Variants in GPN1 observed in about 807,000 individuals in gnomAD.
GPN1 encodes ATP(GTP)-binding protein.
In GPN1, 44 loss-of-function variants were observed where a neutral mutation model predicts 55.9. The ratio of observed to expected loss-of-function variants is 0.79; its 90% CI spans 0.62 to 1.01. The LOEUF (loss-of-function observed/expected upper bound fraction) is 1.01. Ranked by LOEUF, GPN1 falls within the 50% of genes least tolerant of loss-of-function variation. The pLI, the probability that GPN1 is intolerant of heterozygous loss-of-function variation, is 0.00. For missense variants in GPN1, 466 were observed against 462.8 expected (o/e 1.01, Z -0.06); for synonymous variants, 179 against 162.5 (o/e 1.10, Z -0.77).
Position 27,630,071 on chromosome 2 carries a change from A to T in GPN1, c.205+119A>T, listed in dbSNP as rs950997515. The T allele has an allele frequency of 1.9e-4, 125 of 665,622 alleles. 1 individual carries two copies. In the Admixed American group the frequency reaches 2.6e-3, roughly 14 times the overall value. 41.2% of individuals were successfully genotyped at this position (665,622 alleles called of 1,614,324 possible). A position where few individuals can be genotyped will look rare whatever the true frequency, so the allele number is the denominator to read the frequency against. On this transcript the variant is annotated intron_variant, in intron 2 of 13. Transcript: ENST00000610189. ...GGGAGGCCGAGGCAGGTAGATCACG[A>T]GGTCAGGAGTTCAAGACCAGCCTGG... is the stretch of plus-strand genomic sequence containing the variant.
At chr2:27,630,453 A>T (rs1246199232) in intron 2 of GPN1, among the ~76,000 whole-genome samples, 1 of 119,322 alleles carries the variant, frequency 8.4e-6, no homozygotes, top group Non-Finnish European at 1.6e-5. Context: ...CAGTGGCGTG[A>T]TTCACAGGTC....
chr2:27,635,849 T>C (rs1401270990), intron 7 of GPN1, among the ~76,000 whole-genome samples: 9 of 152,132 alleles, frequency 5.9e-5, no homozygotes, highest in African/African-American at 2.2e-4. Context: ...TCCTCTGGCC[T>C]AAATGATGCT....
At chr2:27,640,880 G>T (rs1673918596) in intron 10 of GPN1, among the ~76,000 whole-genome samples, 1 of 152,152 alleles carries the variant, frequency 6.6e-6, no homozygotes, top group African/African-American at 2.4e-5. Flanking sequence ...CACTGTTGTT[G>T]TTCAAGTAAA....
At chr2:27,644,631 A>G (rs1401485270) in intron 12 of GPN1, among the ~76,000 whole-genome samples, 1 of 150,540 alleles carries the variant, frequency 6.6e-6, no homozygotes, top group Admixed American at 6.6e-5. Context: ...TATAAGGTAT[A>G]TAAGTCGGTG....
chr2:27,632,321 C>A (rs1367438841), intron 4 of GPN1, among the ~76,000 whole-genome samples: 1 of 152,144 alleles, frequency 6.6e-6, no homozygotes, highest in Non-Finnish European at 1.5e-5. Context: ...GGTTTTTATA[C>A]TCTGATGTTA....
intron 5 of GPN1, among the ~76,000 whole-genome samples, chr2:27,633,192 C>T (rs970040184): frequency 6.6e-6 from 1 of 152,154 alleles, no homozygotes; most frequent in African/African-American, 2.4e-5. Flanking sequence ...ACCATCACCC[C>T]GATTCCCACT....
rs1426046188 is a variant in GPN1, at chr2:27,635,178, C to T, written c.468C>T (p.Asp156=). ...SFPTVVIYVM[D]TSRSTNPVTF... is the part of the protein sequence containing the mutation. ...CAACAGTTGTCATCTATGTAATGGA[C>T]ACATCGAGAAGTACCAACCCAGTGA... The change falls in exon 7 of 14, where the codon GAC becomes GAT. Residue 156 remains aspartate (D), a synonymous_variant. Coordinates refer to ENST00000610189, the MANE Select transcript of GPN1 (RefSeq NM_007266.4). 6.2e-7 allele frequency: 1 copy of T among 1,605,332 alleles called. No individual in the cohort carries two copies.
At position 27,650,379 on chromosome 2, in the gene GPN1, T is replaced by A; in HGVS notation, c.*179T>A. On this transcript the variant is annotated 3_prime_UTR_variant, in exon 14 of 14. Coordinates refer to ENST00000610189, the MANE Select transcript of GPN1 (RefSeq NM_007266.4). The stretch of plus-strand genomic sequence containing the variant: ...GATGAAGTCAGGGATAGAAGACCCT[T>A]GGACCTGGCAGGTTAATGCTGATTA... The A allele has an allele frequency of 4.2e-6, 2 of 472,760 alleles. No individual in the cohort carries two copies. The highest frequency in any genetic ancestry group is 7.7e-6 in the Non-Finnish European group (2 of 260,986). The allele number at this position is 472,760 out of a possible 1,614,324, so 29.3% of individuals were successfully genotyped here.
At chr2:27,638,842 T>A in intron 8 of GPN1, 43 bp from the exon 9 acceptor site, 1 of 1,550,092 alleles carries the variant, frequency 6.5e-7, no homozygotes, top group Non-Finnish European at 8.7e-7. Context: ...AATTTTGCGT[T>A]TGTTGGCTCT....
chr2:27,644,715 T>TC (rs1263325458), intron 12 of GPN1, among the ~76,000 whole-genome samples: 1 of 150,748 alleles, frequency 6.6e-6, no homozygotes, highest in Non-Finnish European at 1.5e-5. Context: ...AGTTTTTTTT[T>TC]TGGTAGTGTT....
At chr2:27,640,779 T>G (rs1008063238) in intron 10 of GPN1, among the ~76,000 whole-genome samples, 1 of 152,192 alleles carries the variant, frequency 6.6e-6, no homozygotes, top group East Asian at 1.9e-4. Context: ...AACAACCATA[T>G]TTTGGTTTTC....
chr2:27,631,080 T>C lies in GPN1; in HGVS notation c.245+14T>C, dbSNP rs563604343. 45 of 1,322,668 alleles carry C rather than the reference T, an allele frequency of 3.4e-5. No individual in the cohort carries two copies. The Admixed American group carries it at 3.7e-4, about 11-fold the overall frequency. The allele number at this position is 1,322,668 out of a possible 1,614,324, so 81.9% of individuals were successfully genotyped here. A position where few individuals can be genotyped will look rare whatever the true frequency, so the allele number is the denominator to read the frequency against. Reference sequence around the variant, plus strand: ...AGTAATGAAACAGTATCCTTTTCCATCTACTTTGGTCTTGACTCATTCCTG... The same window carrying C: ...AGTAATGAAACAGTATCCTTTTCCACCTACTTTGGTCTTGACTCATTCCTG... On this transcript the variant is annotated intron_variant, in intron 3 of 13. Transcript: ENST00000610189.
Position 27,641,182 on chromosome 2 carries a change from G to A in GPN1, c.801-58G>A, listed in dbSNP as rs1233229967. The A allele has an allele frequency of 6.4e-6, 7 of 1,098,496 alleles. No homozygotes were observed. In the African/African-American group the frequency reaches 1.1e-4, roughly 17 times the overall value. The allele number at this position is 1,098,496 out of a possible 1,614,324, so 68.0% of individuals were successfully genotyped here. A position where few individuals can be genotyped will look rare whatever the true frequency, so the allele number is the denominator to read the frequency against. On this transcript the variant is annotated intron_variant, in intron 10 of 13. Transcript: ENST00000610189. ...AGGAAAATAGAGATAAGGGGATGTG[G>A]AGAGTCAGTAGGATAGAGGATTAAG...
In GPN1 at chr2:27,635,280, C is replaced by T. The variant is rs544242157; in HGVS notation, c.524+46C>T. On this transcript the variant is annotated intron_variant, in intron 7 of 13. Coordinates refer to ENST00000610189, the MANE Select transcript of GPN1 (RefSeq NM_007266.4). ...AAAGTGTTCCATCAAGGTATAAGGC[C>T]TTTTTCTCTTCTTCTTCCTCTTTTT... 2.0e-4 allele frequency: 161 copies of T among 790,912 alleles called. No homozygotes were observed. In the East Asian group the frequency reaches 3.8e-3, roughly 19 times the overall value. The allele number at this position is 790,912 out of a possible 1,614,324, so 49.0% of individuals were successfully genotyped here.
At chr2:27,642,996 T>C (rs56661235) in intron 12 of GPN1, among the ~76,000 whole-genome samples, 4,620 of 71,440 alleles carry the variant, frequency 0.065, 103 homozygotes, top group East Asian at 0.11. Flanking sequence ...CACACACACA[T>C]ACATATGCAT....
intron 13 of GPN1, among the ~76,000 whole-genome samples, chr2:27,648,624 G>A (rs1214446870): frequency 7.2e-5 from 11 of 152,096 alleles, no homozygotes; most frequent in Admixed American, 5.2e-4. Flanking sequence ...TGGACTGTGC[G>A]CAGAATCTAA....
intron 12 of GPN1, among the ~76,000 whole-genome samples, chr2:27,645,706 AT>A (rs1283973442): frequency 0.031 from 4,499 of 146,194 alleles, 211 homozygotes; most frequent in African/African-American, 0.11. Context: ...TTTCTTTTTA[AT>A]TTTTTTTTTT....
upstream of GPN1, chr2:27,628,597 G>A (rs1236225332): frequency 5.2e-6 from 8 of 1,551,466 alleles, no homozygotes; most frequent in Admixed American, 1.6e-4. Context: ...ACTGCACCCT[G>A]CTCCAGTCCC....
rs774103215 is a variant in GPN1 at position 27,629,154 on chromosome 2, A to T, written c.96A>T (p.Lys32Asn). 5.6e-6 allele frequency: 9 copies of T among 1,614,072 alleles called. No individual in the cohort carries two copies. The highest frequency in any genetic ancestry group is 5.9e-6 in the Non-Finnish European group (7 of 1,180,036). The change falls in exon 1 of 14, where the codon AAA becomes AAT. Residue 32 changes from lysine (K) to asparagine (N), a missense_variant. Lys to Asn is a moderately conservative substitution (Grantham distance 94, BLOSUM62 0). Coordinates refer to ENST00000610189, the MANE Select transcript of GPN1 (RefSeq NM_007266.4). ...LLVLGMAGSG[K>N]TTFVQRLTGH... ...TGTTGGGAATGGCGGGATCCGGGAA[A>T]ACCACTTTTGTACAGGTGACGTACA... is the stretch of plus-strand genomic sequence containing the variant.
Sources: gnomAD v4.1 joint callset for allele counts (sites outside exome capture counted in the v4.1 genomes callset) on GRCh38, gnomAD v4.1.1 for gene constraint, MANE v1.5 for transcripts, NCBI Gene and HGNC (gene_info 2026-07-23, HGNC 2026-07-21) for gene names.